The following ARID1B variants were observed in gnomAD, a reference collection of about 807,000 sequenced individuals.
The protein encoded by ARID1B is AT-rich interactive domain-containing protein 1B.
A neutral mutation model predicts 212.3 loss-of-function variants in ARID1B; 30 were observed. The observed-to-expected ratio is 0.14, with a 90% CI of 0.11 to 0.19. The LOEUF is 0.19. Ranked by LOEUF, ARID1B falls within the 10% of genes least tolerant of loss-of-function variation. The pLI is 1.00. For missense variants in ARID1B, 2,891 were observed against 3,204.0 expected (o/e 0.90, Z 2.36); for synonymous variants, 1,402 against 1,301.7 (o/e 1.08, Z -1.66).
chr6:157,053,425 A>G (rs972831980), intron 4 of ARID1B, among the ~76,000 whole-genome samples: 28 of 152,338 alleles, frequency 1.8e-4, no homozygotes, highest in African/African-American at 5.5e-4. Flanking sequence ...GAAGATAGCA[A>G]TAGCCCTTTG....
At chr6:157,091,929 C>A (rs897426649) in intron 5 of ARID1B, among the ~76,000 whole-genome samples, 1 of 152,078 alleles carries the variant, frequency 6.6e-6, no homozygotes, top group African/African-American at 2.4e-5. Context: ...ACCTAATAAT[C>A]TTATTTTTAA....
At chr6:157,061,477 G>T (rs2128406736) in intron 4 of ARID1B, among the ~76,000 whole-genome samples, 1 of 152,162 alleles carries the variant, frequency 6.6e-6, no homozygotes, top group South Asian at 2.1e-4. Context: ...TCACCTGCTT[G>T]ACATCTCGCA....
chr6:156,899,569 G>A (rs890263679), intron 2 of ARID1B, among the ~76,000 whole-genome samples: 3 of 152,016 alleles, frequency 2.0e-5, no homozygotes, highest in Non-Finnish European at 4.4e-5. Context: ...GTAGGTGGTT[G>A]CTCCAGTGAA....
chr6:157,186,376 C>T, intron 13 of ARID1B: 1 of 468,592 alleles, frequency 2.1e-6, no homozygotes. Flanking sequence ...GAGCCGAGGG[C>T]CTGTGACACA....
chr6:157,070,829 C>A (rs1440756875), intron 4 of ARID1B, among the ~76,000 whole-genome samples: 1 of 152,174 alleles, frequency 6.6e-6, no homozygotes, highest in Non-Finnish European at 1.5e-5. Context: ...AAAGCAAATG[C>A]CTGCAGCGCT....
At chr6:157,121,636 T>TTTC (rs1299155953) in intron 6 of ARID1B, among the ~76,000 whole-genome samples, 1 of 146,084 alleles carries the variant, frequency 6.8e-6, no homozygotes, top group African/African-American at 2.6e-5. Context: ...TAGCTTTTTT[T>TTTC]TTTTTTTTTT....
chr6:156,853,346 A>C (rs548486293), intron 2 of ARID1B, among the ~76,000 whole-genome samples: 2 of 152,326 alleles, frequency 1.3e-5, no homozygotes, highest in South Asian at 4.2e-4. Flanking sequence ...CCTGAGGATG[A>C]GTATTTTCCC....
chr6:156,787,872 C>T (rs758183495), intron 1 of ARID1B, among the ~76,000 whole-genome samples: 5 of 152,094 alleles, frequency 3.3e-5, no homozygotes, highest in Non-Finnish European at 1.5e-5. Flanking sequence ...TTGGAGGCCT[C>T]AGCACCCATT....
Position 156,886,851 on chromosome 6 carries a change from G to C in ARID1B, c.1987-14525G>C, listed in dbSNP as rs1043457028. On this transcript the variant is annotated intron_variant, in intron 2 of 19. Transcript: ENST00000636930. ...TCATTGATCCAGCAATATGTGGACT[G>C]TGTACTGGATATATTTTTGAGCATC... 2.0e-5 allele frequency among the ~76,000 whole-genome samples: 3 copies of C among 152,192 alleles called. No individual in the cohort carries two copies. In the East Asian group the frequency reaches 5.8e-4, roughly 29 times the overall value.
intron 2 of ARID1B, among the ~76,000 whole-genome samples, chr6:156,889,032 A>G (rs1477518289): frequency 4.6e-5 from 7 of 152,176 alleles, no homozygotes; most frequent in African/African-American, 1.2e-4. Context: ...TATTATATCA[A>G]TAAGGCACAC....
intron 2 of ARID1B, among the ~76,000 whole-genome samples, chr6:156,848,566 C>T (rs1274196379): frequency 6.6e-6 from 1 of 152,218 alleles, no homozygotes; most frequent in Non-Finnish European, 1.5e-5. Flanking sequence ...ATTAGGATAA[C>T]TCAGGAAAAG....
intron 7 of ARID1B, among the ~76,000 whole-genome samples, chr6:157,146,722 T>C (rs1302999167): frequency 3.3e-5 from 5 of 152,196 alleles, no homozygotes; most frequent in Admixed American, 6.5e-5. Context: ...TAGCTTTACG[T>C]CACCTGTGCC....
At chr6:157,039,322 C>CTTTCTTTTTTTTTTTTTTTTTT (rs1781547108) in intron 4 of ARID1B, among the ~76,000 whole-genome samples, 5 of 102,976 alleles carry the variant, frequency 4.9e-5, no homozygotes, top group Non-Finnish European at 5.9e-5. Context: ...TTTGACATTT[C>CTTTCTTTTTTTTTTTTTTTTTT]TTTTTTTTTT....
chr6:157,018,217 T>G (rs1780026254), intron 4 of ARID1B, among the ~76,000 whole-genome samples: 1 of 134,784 alleles, frequency 7.4e-6, no homozygotes, highest in East Asian at 2.1e-4. Flanking sequence ...GTATGCTTTT[T>G]TTTTTTTTTT....
At chr6:157,082,143 G>A (rs1362824896) in intron 4 of ARID1B, among the ~76,000 whole-genome samples, 1 of 152,164 alleles carries the variant, frequency 6.6e-6, no homozygotes, top group Non-Finnish European at 1.5e-5. Context: ...TAGTAACGGA[G>A]TAAGTTCCTG....
intron 4 of ARID1B, among the ~76,000 whole-genome samples, chr6:157,081,209 C>A (rs1784611501): frequency 6.6e-6 from 1 of 152,126 alleles, no homozygotes; most frequent in African/African-American, 2.4e-5. Context: ...CTTGAAGGTG[C>A]CTTGGGTAGA....
chr6:156,839,712 G>C (rs911341361), intron 2 of ARID1B, among the ~76,000 whole-genome samples: 2 of 152,190 alleles, frequency 1.3e-5, no homozygotes, highest in Non-Finnish European at 2.9e-5. Context: ...TTCCAGGAAT[G>C]GCGGTTAAGG....
chr6:156,925,954 T>C (rs965823863), intron 3 of ARID1B, among the ~76,000 whole-genome samples: 1 of 152,194 alleles, frequency 6.6e-6, no homozygotes, highest in Non-Finnish European at 1.5e-5. Context: ...CCACCCAGTA[T>C]GGCTGGTGGA....
intron 4 of ARID1B, among the ~76,000 whole-genome samples, chr6:157,062,106 G>T (rs1783377351): frequency 6.6e-6 from 1 of 152,118 alleles, no homozygotes; most frequent in African/African-American, 2.4e-5. Context: ...ATGATAAGCC[G>T]AATCTACTTT....
Sources: gnomAD v4.1 joint callset for allele counts (sites outside exome capture counted in the v4.1 genomes callset) on GRCh38, gnomAD v4.1.1 for gene constraint, MANE v1.5 for transcripts, NCBI Gene and HGNC (gene_info 2026-07-23, HGNC 2026-07-21) for gene names.